SGCZ: variants seen among roughly 807,000 people sequenced by gnomAD.
SGCZ encodes the protein zeta-sarcoglycan.
Under a neutral mutation model 41.3 loss-of-function variants are expected in SGCZ, and 40 were observed. The ratio of observed to expected loss-of-function variants is 0.97; its 90% confidence interval spans 0.75 to 1.26. The LOEUF (loss-of-function observed/expected upper bound fraction) is 1.26, where lower values mean the gene tolerates loss of function less well. Ranked by LOEUF, SGCZ falls within the 50% of genes most tolerant of loss-of-function variation. The pLI is 0.00. For missense variants in SGCZ, 552 were observed against 369.8 expected, an observed-to-expected ratio of 1.49 and a Z score of -4.04; for synonymous variants, 206 against 137.5, an observed-to-expected ratio of 1.50 and a Z score of -3.49.
At chr8:15,001,496 A>G (rs538179457) in intron 1 of SGCZ, among the ~76,000 whole-genome samples, 18 of 152,238 alleles carry the variant, frequency 1.2e-4, no homozygotes, top group South Asian at 4.1e-4. Flanking sequence ...TTGGGAGGCC[A>G]AGGCGGGCGG....
chr8:14,697,832 A>T (rs1298288410), intron 1 of SGCZ, among the ~76,000 whole-genome samples: 1 of 151,952 alleles, frequency 6.6e-6, no homozygotes, highest in African/African-American at 2.4e-5. Flanking sequence ...CTATTCCCTT[A>T]ATTCTCAACA....
chr8:14,657,743 T>A (rs1013264223), intron 1 of SGCZ, among the ~76,000 whole-genome samples: 7 of 152,212 alleles, frequency 4.6e-5, no homozygotes, highest in Non-Finnish European at 8.8e-5. Context: ...TCCATCAATG[T>A]ATCTTACAAA....
At chr8:14,684,710 G>C (rs1048428631) in intron 1 of SGCZ, among the ~76,000 whole-genome samples, 4 of 144,992 alleles carry the variant, frequency 2.8e-5, no homozygotes, top group African/African-American at 1.0e-4. Context: ...GTTTTTTTTT[G>C]GTTTTTGGTA....
chr8:14,732,313 A>G (rs1417863709), intron 1 of SGCZ, among the ~76,000 whole-genome samples: 1 of 152,130 alleles, frequency 6.6e-6, no homozygotes, highest in East Asian at 1.9e-4. Context: ...AGGAGGGGTA[A>G]TATCTGGGTG....
At chr8:14,362,449 A>AAG (rs1803558573) in intron 2 of SGCZ, among the ~76,000 whole-genome samples, 1 of 152,168 alleles carries the variant, frequency 6.6e-6, no homozygotes, top group Admixed American at 6.5e-5. Flanking sequence ...GGTGGATCTC[A>AAG]GACTGCTGCA....
intron 3 of SGCZ, among the ~76,000 whole-genome samples, chr8:14,300,354 G>A (rs1025724020): frequency 2.6e-5 from 4 of 151,642 alleles, no homozygotes; most frequent in African/African-American, 9.7e-5. Context: ...AAAGCGGGGA[G>A]AAAGGAAGGA....
intron 1 of SGCZ, among the ~76,000 whole-genome samples, chr8:14,748,360 A>G (rs1384426290): frequency 1.3e-5 from 2 of 152,194 alleles, no homozygotes; most frequent in Non-Finnish European, 2.9e-5. Context: ...GTGAGGCAAT[A>G]TGGTGGCATG....
chr8:14,170,134 T>A (rs1040984148), intron 4 of SGCZ, among the ~76,000 whole-genome samples: 1 of 151,996 alleles, frequency 6.6e-6, no homozygotes, highest in Non-Finnish European at 1.5e-5. Flanking sequence ...TTAACCTTTA[T>A]TAAATAGAAG....
At chr8:14,467,047 G>C (rs933858265) in intron 2 of SGCZ, among the ~76,000 whole-genome samples, 12 of 151,374 alleles carry the variant, frequency 7.9e-5, no homozygotes, top group African/African-American at 2.2e-4. Context: ...GGGTTTTACT[G>C]GTTTTTGTTT....
At chr8:14,206,439 C>T (rs17278157) in intron 4 of SGCZ, among the ~76,000 whole-genome samples, 36,294 of 152,104 alleles carry the variant, frequency 0.24, 5,563 homozygotes, top group Non-Finnish European at 0.34. Flanking sequence ...AAACTATTCA[C>T]TTCAAACATT....
intron 1 of SGCZ, among the ~76,000 whole-genome samples, chr8:15,097,766 T>TTA (rs71211003): frequency 3.6e-4 from 46 of 129,326 alleles, no homozygotes; most frequent in African/African-American, 1.4e-3. Context: ...ATATATGTGT[T>TTA]TATATATATA....
At chr8:14,544,406 A>T (rs1340226644) in intron 2 of SGCZ, among the ~76,000 whole-genome samples, 1 of 152,098 alleles carries the variant, frequency 6.6e-6, no homozygotes, top group East Asian at 1.9e-4. Flanking sequence ...AGGGAAGACA[A>T]CCATAAGGTC....
chr8:14,659,169 G>T (rs112581499), intron 1 of SGCZ, among the ~76,000 whole-genome samples: 31 of 151,952 alleles, frequency 2.0e-4, no homozygotes, highest in Non-Finnish European at 4.1e-4. Flanking sequence ...ACTAGTTTTG[G>T]TATTCTGTTA....
At chr8:14,401,765 C>T (rs13276594) in intron 2 of SGCZ, among the ~76,000 whole-genome samples, 54,574 of 149,338 alleles carry the variant, frequency 0.37, 11,033 homozygotes, top group African/African-American at 0.55. Context: ...CATGTATCTT[C>T]ATAGCAGCAT....
intron 2 of SGCZ, among the ~76,000 whole-genome samples, chr8:14,364,010 C>G (rs1196928351): frequency 6.6e-6 from 1 of 152,044 alleles, no homozygotes; most frequent in Non-Finnish European, 1.5e-5. Flanking sequence ...CTGTCAACAC[C>G]CATCATTATT....
intron 1 of SGCZ, among the ~76,000 whole-genome samples, chr8:15,191,711 G>A (rs1800546592): frequency 6.6e-6 from 1 of 151,966 alleles, no homozygotes; most frequent in Non-Finnish European, 1.5e-5. Context: ...TAGAGATAAA[G>A]CATGTACAAA....
chr8:14,417,176 G>T (rs1184819369), intron 2 of SGCZ, among the ~76,000 whole-genome samples: 2 of 151,792 alleles, frequency 1.3e-5, no homozygotes, highest in African/African-American at 4.8e-5. Context: ...TGCTGGGAAA[G>T]TAATTGTAAC....
chr8:14,947,203 G>C (rs547089860), intron 1 of SGCZ, among the ~76,000 whole-genome samples: 14 of 152,254 alleles, frequency 9.2e-5, no homozygotes, highest in Middle Eastern at 6.8e-3. Context: ...CGTAAGCGAA[G>C]GAATGAGCAC....
intron 1 of SGCZ, among the ~76,000 whole-genome samples, chr8:14,785,023 C>A (rs1318214694): frequency 1.4e-5 from 2 of 139,972 alleles, no homozygotes; most frequent in Admixed American, 7.5e-5. Flanking sequence ...AGCAGAAAAT[C>A]TGATCAAGAA....
Sources: allele counts gnomAD v4.1 joint callset (sites outside exome capture counted in the v4.1 genomes callset), GRCh38; gene constraint gnomAD v4.1.1; transcripts MANE v1.5; gene names NCBI Gene and HGNC (gene_info 2026-07-23, HGNC 2026-07-21).